ZNF729: variants seen among roughly 807,000 people sequenced by gnomAD.
ZNF729 encodes zinc finger protein 729.
Under a neutral mutation model 12.2 loss-of-function variants are expected in ZNF729, and 15 were observed. The ratio of observed to expected loss-of-function variants is 1.23; its 90% CI spans 0.82 to 1.89. ZNF729 has a LOEUF of 1.89. Ranked by LOEUF, ZNF729 falls within the 40% of genes most tolerant of loss-of-function variation. ZNF729 has a pLI of 0.00. For missense variants in ZNF729, 1,540 were observed against 1,456.7 expected (o/e 1.06, Z -0.93); for synonymous variants, 492 against 476.3 (o/e 1.03, Z -0.43).
Position 22,307,800 on chromosome 19 carries a change from GTTTTTTTTTT to G in ZNF729, c.253+3032_253+3041del. Among the ~76,000 whole-genome samples the G allele has an allele frequency of 3.7e-4, 20 of 53,368 alleles. No individual in the cohort carries two copies. The South Asian group carries it at 0.015, about 40-fold the overall frequency. The allele number at this position is 53,368 out of a possible 152,430, so 35.0% of individuals were successfully genotyped here. A position where few individuals can be genotyped will look rare whatever the true frequency, so the allele number is the denominator to read the frequency against. On this transcript the variant is annotated intron_variant, in intron 3 of 3. Transcript: ENST00000601693. ...TACATCAAAATTTGGAAAGCTCTGT[GTTTTTTTTTT>G]TTTTTTTTTTTTTTGTCTTTAAGTA...
rs1227216660 is a variant in ZNF729, at chr19:22,314,231, G to T, written c.814G>T (p.Ala272Ser). 1.9e-6 allele frequency: 3 copies of T among 1,606,606 alleles called. No homozygotes were observed. Among genetic ancestry groups the T allele is most frequent in the African/African-American group, 2.7e-5 (2 of 74,728 alleles). Residue 272 changes from alanine (A) to serine (S), a missense_variant, in exon 4 of 4, where the codon GCT becomes TCT. Transcript: ENST00000601693. Reference sequence around the variant, plus strand: ...TTTCAGATGTGAAGAATGTGGCAAAGCTTTTAACCAGTCCTCAAATCTTAC... The same window carrying T: ...TTTCAGATGTGAAGAATGTGGCAAATCTTTTAACCAGTCCTCAAATCTTAC... ...TPFRCEECGK[A>S]FNQSSNLTDH...
rs149684113 is a variant in ZNF729, at chr19:22,292,393, G to C, written c.30+5838G>C. ...CTTGTTCACTTTTTATGGCAACACA[G>C]TATTCCATGATGTTTATGTACCATA... On this transcript the variant is annotated intron_variant, in intron 1 of 3. Transcript: ENST00000601693. Among the ~76,000 whole-genome samples, 577 of 152,248 alleles carry C rather than the reference G, an allele frequency of 3.8e-3. 3 individuals are homozygous for C. The highest frequency in any genetic ancestry group is 9.1e-3 in the Admixed American group (139 of 15,296).
intron 3 of ZNF729, among the ~76,000 whole-genome samples, chr19:22,307,805 T>TG (rs2145053466): frequency 7.9e-6 from 1 of 126,318 alleles, no homozygotes; most frequent in East Asian, 2.0e-4. Context: ...TCTGTGTTTT[T>TG]TTTTTTTTTT....
rs565477667 is a variant in ZNF729 at position 22,316,866 on chromosome 19, A to G, written c.3449A>G (p.His1150Arg). 39 of 1,613,054 alleles carry G rather than the reference A, an allele frequency of 2.4e-5. No homozygotes were observed. The highest frequency in any genetic ancestry group is 1.7e-4 in the Middle Eastern group (1 of 6,058). ...AFSQSSILTK[H>R]KIIHSVEKPY... ...AGTCAGTCCTCAATCCTTACTAAAC[A>G]TAAGATAATTCATTCTGTAGAGAAA... Residue 1150 changes from histidine to arginine, a missense_variant, in exon 4 of 4, where the codon CAT (histidine) becomes CGT (arginine). Physicochemically the swap from His to Arg is conservative, Grantham distance 29. Transcript: ENST00000601693.
chr19:22,309,694 T>A (rs1968427386), intron 3 of ZNF729, among the ~76,000 whole-genome samples: 1 of 152,094 alleles, frequency 6.6e-6, no homozygotes, highest in Non-Finnish European at 1.5e-5. Flanking sequence ...GCAGGCTTTT[T>A]TTTTTTGTTC....
At chr19:22,302,852 C>T (rs1005146609) in intron 1 of ZNF729, among the ~76,000 whole-genome samples, 1 of 110,070 alleles carries the variant, frequency 9.1e-6, no homozygotes, top group African/African-American at 3.5e-5. Flanking sequence ...TGCAGTGGCG[C>T]AATCTCAGCT....
chr19:22,303,739 C>G lies in ZNF729; in HGVS notation c.31-19C>G, dbSNP rs1599756086. 1.3e-6 allele frequency: 2 copies of G among 1,530,100 alleles called. No homozygotes were observed. The highest frequency in any genetic ancestry group is 8.8e-7 in the Non-Finnish European group (1 of 1,132,322). The allele number at this position is 1,530,100 out of a possible 1,614,324, so 94.8% of individuals were successfully genotyped here. ...GGCCACTTGGGAAATGTATATGTGT[C>G]TTTCGTTGTGTTTTTCAGGGACCAT... On this transcript the variant is annotated intron_variant, in intron 1 of 3. Coordinates refer to ENST00000601693, the MANE Select transcript of ZNF729 (RefSeq NM_001242680.2).
At position 22,314,213 on chromosome 19, in the gene ZNF729, T is replaced by C; in HGVS notation, c.796T>C (p.Cys266Arg). 6.2e-7 allele frequency: 1 copy of C among 1,603,514 alleles called. No homozygotes were observed. Among genetic ancestry groups the C allele is most frequent in the South Asian group, 1.1e-5 (1 of 90,220 alleles). ...TCATACTGGAGAGACACCTTTCAGA[T>C]GTGAAGAATGTGGCAAAGCTTTTAA... ...RIHTGETPFR[C>R]EECGKAFNQS... The change falls in exon 4 of 4, where the codon TGT becomes CGT. Residue 266 changes from cysteine to arginine, a missense_variant. Coordinates refer to ENST00000601693, the MANE Select transcript of ZNF729 (RefSeq NM_001242680.2).
chr19:22,315,033 C>A lies in ZNF729; in HGVS notation c.1616C>A (p.Thr539Asn). ...STLRNHQIIHTGEKPYKCEEC... is the reference protein window; with the variant it reads ...STLRNHQIIHNGEKPYKCEEC... ...CTTAGAAACCATCAGATAATTCATA[C>A]TGGAGAGAAACCCTACAAATGTGAA... The change falls in exon 4 of 4, where the codon ACT becomes AAT. Residue 539 changes from threonine to asparagine, a missense_variant. By Grantham distance (65) the Thr-to-Asn change is moderately conservative. Coordinates refer to ENST00000601693, the MANE Select transcript of ZNF729 (RefSeq NM_001242680.2). 1 of 1,611,588 alleles carries A rather than the reference C, an allele frequency of 6.2e-7. No homozygotes were observed. Among genetic ancestry groups the A allele is most frequent in the African/African-American group, 1.3e-5 (1 of 75,014 alleles).
rs534701145 is a variant in ZNF729, at chr19:22,316,357, T to G, written c.2940T>G (p.Thr980=). The G allele has an allele frequency of 6.2e-7, 1 of 1,613,420 alleles. No homozygotes were observed. The highest frequency in any genetic ancestry group is 2.2e-5 in the East Asian group (1 of 44,788). The change falls in exon 4 of 4, where the codon ACT becomes ACG. Residue 980 remains threonine (T), a synonymous_variant. Transcript: ENST00000601693. The part of the protein sequence containing the change: ...GKAFKQSSHL[T]RHKAIHTGEK... Reference sequence around the variant, plus strand: ...CTTTTAAGCAATCCTCACATCTTACTAGACATAAAGCAATTCATACTGGGG... The same window carrying G: ...CTTTTAAGCAATCCTCACATCTTACGAGACATAAAGCAATTCATACTGGGG...
intron 1 of ZNF729, among the ~76,000 whole-genome samples, chr19:22,295,476 C>T (rs1404538212): frequency 6.6e-6 from 1 of 151,424 alleles, no homozygotes; most frequent in Non-Finnish European, 1.5e-5. Context: ...CTGCAAGCTC[C>T]GCCTCCCGTG....
Position 22,315,678 on chromosome 19 carries a change from C to A in ZNF729, c.2261C>A (p.Ala754Asp). The A allele has an allele frequency of 6.2e-7, 1 of 1,606,594 alleles. No homozygotes were observed. Among genetic ancestry groups the A allele is most frequent in the East Asian group, 2.2e-5 (1 of 44,722 alleles). ...GGCAAATCTTTTAAGCATTTCTCAG[C>A]CCTTAGAAAACATAAGGTAATTCAT... ...ECGKSFKHFS[A>D]LRKHKVIHTR... is the part of the protein sequence containing the mutation. The change falls in exon 4 of 4, where the codon GCC (alanine) becomes GAC (aspartate). Residue 754 changes from alanine to aspartate, a missense_variant. Ala to Asp is a moderately radical substitution (Grantham distance 126). Coordinates refer to ENST00000601693, the MANE Select transcript of ZNF729 (RefSeq NM_001242680.2).
intron 1 of ZNF729, 92 bp from the exon 2 acceptor site, chr19:22,303,666 C>A: frequency 7.9e-7 from 1 of 1,269,790 alleles, no homozygotes; most frequent in South Asian, 1.3e-5. Flanking sequence ...AATCTGTTCT[C>A]TTTATTCTCT....
In ZNF729 at chr19:22,316,610, G is replaced by C. The variant is rs757754519; in HGVS notation, c.3193G>C (p.Glu1065Gln). ...TTTTAAGTGGTCCTCAAAACTTACT[G>C]AACATAAGGTAATTCATACTGGAGA... ...KAFKWSSKLT[E>Q]HKVIHTGEKP... Residue 1065 changes from glutamate (E) to glutamine (Q), a missense_variant, in exon 4 of 4, where the codon GAA becomes CAA. Glu to Gln is a conservative substitution (Grantham distance 29). Coordinates refer to ENST00000601693, the MANE Select transcript of ZNF729 (RefSeq NM_001242680.2). 6.2e-7 allele frequency: 1 copy of C among 1,606,272 alleles called. No individual in the cohort carries two copies. Among genetic ancestry groups the C allele is most frequent in the African/African-American group, 1.4e-5 (1 of 72,662 alleles).
chr19:22,304,808 C>A (rs540471640), intron 3 of ZNF729, 25 bp downstream of exon 3: 1 of 1,607,274 alleles, frequency 6.2e-7, no homozygotes, highest in East Asian at 2.2e-5. Flanking sequence ...ATACAACAGA[C>A]AACACAGATA....
At position 22,316,657 on chromosome 19, in the gene ZNF729, A is replaced by C; in HGVS notation, c.3240A>C (p.Glu1080Asp). The C allele has an allele frequency of 1.2e-6, 2 of 1,612,970 alleles. No individual in the cohort carries two copies. Among genetic ancestry groups the C allele is most frequent in the Non-Finnish European group, 1.7e-6 (2 of 1,179,822 alleles). ...HTGEKPCKCE[E>D]CDKAFKHFSA... ...GAGAGAAACCCTGCAAATGTGAAGAATGTGACAAAGCTTTTAAGCATTTCT... is the reference window on the plus strand; with the variant it reads ...GAGAGAAACCCTGCAAATGTGAAGACTGTGACAAAGCTTTTAAGCATTTCT... Residue 1080 changes from glutamate to aspartate, a missense_variant, in exon 4 of 4, where the codon GAA (glutamate) becomes GAC (aspartate). Glu to Asp is a conservative substitution (Grantham distance 45). Coordinates refer to ENST00000601693, the MANE Select transcript of ZNF729 (RefSeq NM_001242680.2).
chr19:22,316,724 C>A lies in ZNF729; in HGVS notation c.3307C>A (p.Pro1103Thr), dbSNP rs1968549972. 1.2e-6 allele frequency: 2 copies of A among 1,612,254 alleles called. No individual in the cohort carries two copies. ...TAAGGTAATTCATACTGGAAAGAAACCCTACCAATGTGACGAATGTGGCAA... is the reference window on the plus strand; with the variant it reads ...TAAGGTAATTCATACTGGAAAGAAAACCTACCAATGTGACGAATGTGGCAA... The part of the protein sequence containing the change: ...KHKVIHTGKK[P>T]YQCDECGKAF... The change falls in exon 4 of 4, where the codon CCC becomes ACC. Residue 1103 changes from proline (P) to threonine (T), a missense_variant. Pro to Thr is a conservative substitution (Grantham distance 38). Coordinates refer to ENST00000601693, the MANE Select transcript of ZNF729 (RefSeq NM_001242680.2).
chr19:22,296,936 G>T (rs1968236684), intron 1 of ZNF729, among the ~76,000 whole-genome samples: 1 of 147,796 alleles, frequency 6.8e-6, no homozygotes, highest in Non-Finnish European at 1.5e-5. Context: ...TTGTCAAGCT[G>T]TGGTCTTTGT....
At position 22,315,790 on chromosome 19, in the gene ZNF729, T is replaced by G; in HGVS notation, c.2373T>G (p.Thr791=). 6.2e-7 allele frequency: 1 copy of G among 1,610,608 alleles called. No homozygotes were observed. The highest frequency in any genetic ancestry group is 8.5e-7 in the Non-Finnish European group (1 of 1,179,644). The change falls in exon 4 of 4, where the codon ACT becomes ACG. Residue 791 remains threonine (T), a synonymous_variant. Coordinates refer to ENST00000601693, the MANE Select transcript of ZNF729 (RefSeq NM_001242680.2). ...TTATGAAACATAAGGTAATTCATAC[T>G]GGAGAGAAACCCTACAAGTGTGAAG... is the stretch of plus-strand genomic sequence containing the variant. The part of the protein sequence containing the change: ...SALMKHKVIH[T]GEKPYKCEEC...
Sources: gnomAD v4.1 joint callset for allele counts (sites outside exome capture counted in the v4.1 genomes callset) on GRCh38, gnomAD v4.1.1 for gene constraint, MANE v1.5 for transcripts, NCBI Gene and HGNC (gene_info 2026-07-23, HGNC 2026-07-21) for gene names.